RASSF9: variants seen among roughly 807,000 people sequenced by gnomAD.
The protein encoded by RASSF9 is Ras association domain family member 9.
A neutral mutation model predicts 21.4 loss-of-function variants in RASSF9; 18 were observed. That is an observed-to-expected ratio of 0.84 (90% CI 0.58 to 1.25). RASSF9 has a LOEUF of 1.25. Ranked by LOEUF, RASSF9 falls within the 50% of genes most tolerant of loss-of-function variation. The pLI is 0.00. For missense variants in RASSF9, 480 were observed against 503.2 expected (o/e 0.95, Z 0.44); for synonymous variants, 183 against 179.1 (o/e 1.02, Z -0.18).
chr12:85,810,519 T>C (rs982602356), intron 1 of RASSF9, among the ~76,000 whole-genome samples: 4 of 151,912 alleles, frequency 2.6e-5, no homozygotes, highest in African/African-American at 9.7e-5. Context: ...GGAATAAATA[T>C]CCATCAAAAT....
At position 85,836,369 on chromosome 12, in the gene RASSF9, T is replaced by C. The variant is rs542423430; in HGVS notation, c.-168A>G. 537 of 1,403,022 alleles carry C rather than the reference T, an allele frequency of 3.8e-4. No homozygotes were observed. Among genetic ancestry groups the C allele is most frequent in the Non-Finnish European group, 3.7e-4 (391 of 1,052,472 alleles). The allele number at this position is 1,403,022 out of a possible 1,614,324, so 86.9% of individuals were successfully genotyped here. ...AGCCGGCTGAGAAAGTTGCTGGAAGTTGTGCAACTGCTGCTTAACTTTGAA... is the reference window on the plus strand; with the variant it reads ...AGCCGGCTGAGAAAGTTGCTGGAAGCTGTGCAACTGCTGCTTAACTTTGAA... On this transcript the variant is annotated 5_prime_UTR_variant, in exon 1 of 2. Transcript: ENST00000361228.
chr12:85,805,435 G>A lies in RASSF9; in HGVS notation c.575C>T (p.Ser192Phe). The A allele has an allele frequency of 6.2e-7, 1 of 1,613,884 alleles. No individual in the cohort carries two copies. Among genetic ancestry groups the A allele is most frequent in the Non-Finnish European group, 8.5e-7 (1 of 1,179,884 alleles). ...TTGCTGATGAATAGTATGGTCCTGG[G>A]AAATGATCAGATGAACTAATGTCTC... ...NMETLVHLII[S>F]QDHTIHQQVK... Residue 192 changes from serine to phenylalanine, a missense_variant, in exon 2 of 2, where the codon TCC (serine) becomes TTC (phenylalanine). Physicochemically the swap from Ser to Phe is radical, Grantham distance 155 (BLOSUM62 -2). Transcript: ENST00000361228.
chr12:85,824,260 A>T (rs1880280099), intron 1 of RASSF9, among the ~76,000 whole-genome samples: 1 of 152,200 alleles, frequency 6.6e-6, no homozygotes, highest in African/African-American at 2.4e-5. Flanking sequence ...TAGTGAATGC[A>T]AAAATAGTGT....
Position 85,802,997 on chromosome 12 carries a change from T to C in RASSF9, c.*1705A>G, listed in dbSNP as rs553120685. The C allele has an allele frequency of 4.6e-5, 7 of 152,232 alleles. No homozygotes were observed. Among genetic ancestry groups the C allele is most frequent in the Admixed American group, 6.5e-5 (1 of 15,286 alleles). The allele number at this position is 152,232 out of a possible 1,614,324, so 9.4% of individuals were successfully genotyped here. On this transcript the variant is annotated 3_prime_UTR_variant, in exon 2 of 2. Transcript: ENST00000361228. The stretch of plus-strand genomic sequence containing the variant: ...CAACTTGAAATAAGACCTGAAAATA[T>C]CTATTTTGGTACAAGAAATGATAGT...
At position 85,804,262 on chromosome 12, in the gene RASSF9, C is replaced by G. The variant is rs531135418; in HGVS notation, c.*440G>C. ...TTAATGCAGTTACAACACAGTAGCT[C>G]CCATATACTTTACAGATTTAAAAAT... On this transcript the variant is annotated 3_prime_UTR_variant, in exon 2 of 2. Transcript: ENST00000361228. 184 of 156,276 alleles carry G rather than the reference C, an allele frequency of 1.2e-3. No homozygotes were observed. Among genetic ancestry groups the G allele is most frequent in the African/African-American group, 4.2e-3 (174 of 41,590 alleles). 9.7% of individuals were successfully genotyped at this position (156,276 alleles called of 1,614,324 possible).
chr12:85,833,842 T>G (rs757995480), intron 1 of RASSF9, among the ~76,000 whole-genome samples: 3 of 152,038 alleles, frequency 2.0e-5, no homozygotes, highest in Non-Finnish European at 4.4e-5. Flanking sequence ...AAGAATATAG[T>G]GACTCTTATC....
At chr12:85,832,074 A>G (rs371646892) in intron 1 of RASSF9, among the ~76,000 whole-genome samples, 3 of 151,924 alleles carry the variant, frequency 2.0e-5, no homozygotes, top group South Asian at 4.1e-4. Context: ...GTGGATATTC[A>G]TATATCAGTA....
intron 1 of RASSF9, among the ~76,000 whole-genome samples, chr12:85,829,972 G>C (rs1271322171): frequency 6.6e-6 from 1 of 152,122 alleles, no homozygotes; most frequent in Non-Finnish European, 1.5e-5. Context: ...TCTTAGGAAT[G>C]GGGTTTTGTC....
In RASSF9 at chr12:85,801,512, A is replaced by G. The variant is rs1879699248; in HGVS notation, c.*3190T>C. 1 of 152,198 alleles carries G rather than the reference A, an allele frequency of 6.6e-6. No individual in the cohort carries two copies. Among genetic ancestry groups the G allele is most frequent in the Non-Finnish European group, 1.5e-5 (1 of 68,044 alleles). The allele number at this position is 152,198 out of a possible 1,614,324, so 9.4% of individuals were successfully genotyped here. A position where few individuals can be genotyped will look rare whatever the true frequency, so the allele number is the denominator to read the frequency against. ...AGGCTAACAAGACAGATGATAAAGTAATTTAATAAGAATTCATTGGTCGGG... is the reference window on the plus strand; with the variant it reads ...AGGCTAACAAGACAGATGATAAAGTGATTTAATAAGAATTCATTGGTCGGG... On this transcript the variant is annotated 3_prime_UTR_variant, in exon 2 of 2. Coordinates refer to ENST00000361228, the MANE Select transcript of RASSF9 (RefSeq NM_005447.4).
chr12:85,805,370 A>G lies in RASSF9; in HGVS notation c.640T>C (p.Cys214Arg). 1 of 1,613,352 alleles carries G rather than the reference A, an allele frequency of 6.2e-7. No individual in the cohort carries two copies. The highest frequency in any genetic ancestry group is 8.5e-7 in the Non-Finnish European group (1 of 1,179,668). The change falls in exon 2 of 2, where the codon TGT (cysteine) becomes CGT (arginine). Residue 214 changes from cysteine (C) to arginine (R), a missense_variant. Cys to Arg is a radical substitution (Grantham distance 180). Coordinates refer to ENST00000361228, the MANE Select transcript of RASSF9 (RefSeq NM_005447.4). ...CGATCAAGATGGAACTTAGCTTCAC[A>G]CTTTTCAATTTCCAGATCCAGCTCT... ...MKELDLEIEKCEAKFHLDRVE... is the reference protein window; with the variant it reads ...MKELDLEIEKREAKFHLDRVE...
rs1178643249 is a variant in RASSF9, at chr12:85,813,782, TAAG to T, written c.48-7823_48-7821del. 1.3e-4 allele frequency among the ~76,000 whole-genome samples: 20 copies of T among 151,948 alleles called. No individual in the cohort carries two copies. In the South Asian group the frequency reaches 1.7e-3, roughly 13 times the overall value. On this transcript the variant is annotated intron_variant, in intron 1 of 1. Transcript: ENST00000361228. The stretch of plus-strand genomic sequence containing the variant: ...ATAAATAAAATAGTAAATTATTAAT[TAAG>T]AATAATTACATTATAAGATATGCTT...
In RASSF9 at chr12:85,805,333, T is replaced by A; in HGVS notation, c.677A>T (p.Asp226Val). The A allele has an allele frequency of 6.2e-7, 1 of 1,613,590 alleles. No individual in the cohort carries two copies. The highest frequency in any genetic ancestry group is 8.5e-7 in the Non-Finnish European group (1 of 1,179,870). Residue 226 changes from aspartate to valine, a missense_variant, in exon 2 of 2, where the codon GAT becomes GTT. Transcript: ENST00000361228. The part of the protein sequence containing the change: ...AKFHLDRVEN[D>V]GENYVQDAYL... ...TGCATCCTGAACATAGTTTTCTCCA[T>A]CATTTTCTACTCGATCAAGATGGAA...
intron 1 of RASSF9, among the ~76,000 whole-genome samples, chr12:85,824,981 G>A (rs61930074): frequency 5.9e-5 from 9 of 151,758 alleles, no homozygotes; most frequent in African/African-American, 1.7e-4. Flanking sequence ...CCCACAAACC[G>A]AAATGGAAAT....
rs370829712 is a variant in RASSF9 at position 85,818,600 on chromosome 12, T to G, written c.48-12638A>C. On this transcript the variant is annotated intron_variant, in intron 1 of 1. Transcript: ENST00000361228. ...TATCTACAATGCAATATTCAATAAT[T>G]GATTTTCTTGCAATCCAGTGGCTCA... Among the ~76,000 whole-genome samples the G allele has an allele frequency of 4.1e-4, 63 of 152,320 alleles. No homozygotes were observed. In the South Asian group the frequency reaches 0.012, roughly 29 times the overall value.
At chr12:85,820,393 A>T (rs939671731) in intron 1 of RASSF9, among the ~76,000 whole-genome samples, 3 of 152,156 alleles carry the variant, frequency 2.0e-5, no homozygotes, top group African/African-American at 7.2e-5. Flanking sequence ...AAATTTCTTC[A>T]CTTTAGGAAT....
At chr12:85,826,449 T>A (rs532802181) in intron 1 of RASSF9, among the ~76,000 whole-genome samples, 100 of 90,268 alleles carry the variant, frequency 1.1e-3, no homozygotes, top group African/African-American at 1.5e-3. Flanking sequence ...CTTCCAATAT[T>A]TTTTTTTTTT....
intron 1 of RASSF9, among the ~76,000 whole-genome samples, chr12:85,822,715 A>T (rs960078704): frequency 1.3e-5 from 2 of 152,190 alleles, no homozygotes; most frequent in African/African-American, 4.8e-5. Context: ...TTTGCTTTAT[A>T]ATTCACCCCT....
chr12:85,819,613 A>G (rs1880164202), intron 1 of RASSF9, among the ~76,000 whole-genome samples: 1 of 152,242 alleles, frequency 6.6e-6, no homozygotes, highest in South Asian at 2.1e-4. Flanking sequence ...AAGTACAGAC[A>G]GATCATTATG....
chr12:85,801,189 G>T lies in RASSF9; in HGVS notation c.*3513C>A, dbSNP rs1162536662. ...AATATAACCATTAAATCAGCTTAAA[G>T]AGACATTTGGGGTTTATTAAGTCAG... is the stretch of plus-strand genomic sequence containing the variant. On this transcript the variant is annotated 3_prime_UTR_variant, in exon 2 of 2. Coordinates refer to ENST00000361228, the MANE Select transcript of RASSF9 (RefSeq NM_005447.4). 1 of 152,040 alleles carries T rather than the reference G, an allele frequency of 6.6e-6. No homozygotes were observed. The highest frequency in any genetic ancestry group is 1.9e-4 in the East Asian group (1 of 5,186). 9.4% of individuals were successfully genotyped at this position (152,040 alleles called of 1,614,324 possible).
Sources: gnomAD v4.1 joint callset for allele counts (sites outside exome capture counted in the v4.1 genomes callset) on GRCh38, gnomAD v4.1.1 for gene constraint, MANE v1.5 for transcripts, NCBI Gene and HGNC (gene_info 2026-07-23, HGNC 2026-07-21) for gene names.